Variants in EVC2 observed in about 807,000 individuals in gnomAD.
EVC2 encodes limbin.
EVC2 carries 148 observed loss-of-function variants against 149.3 expected under a neutral mutation model. That is an observed-to-expected ratio of 0.99 (90% confidence interval 0.87 to 1.14). The LOEUF (loss-of-function observed/expected upper bound fraction) is 1.14. Among genes scored for constraint, EVC2 ranks in the 50% most tolerant of loss-of-function variants. The probability of loss-of-function intolerance (pLI) is 0.00; values close to 1 mark genes in which losing one functional copy is unlikely to be tolerated. For synonymous variants in EVC2, 776 were observed against 649.9 expected (o/e 1.19, Z -2.95); for missense variants, 1,854 against 1,627.3 (o/e 1.14, Z -2.40).
At chr4:5,676,005 A>G (rs1193458806) in intron 7 of EVC2, among the ~76,000 whole-genome samples, 1 of 152,200 alleles carries the variant, frequency 6.6e-6, no homozygotes, top group South Asian at 2.1e-4. Flanking sequence ...GGGTACCATA[A>G]CAATTGGTTT....
chr4:5,708,464 C>A lies in EVC2; in HGVS notation c.50G>T (p.Gly17Val), dbSNP rs761964644. ...CAGCGCCAGGGCCACTGCCAGGAGA[C>A]CCCCGGCCAGCACCCACGTGGGGCG... ...RGRPTWVLAGGLLAVALALGG... is the reference protein window; with the variant it reads ...RGRPTWVLAGVLLAVALALGG... The change falls in exon 1 of 22, where the codon GGT (glycine) becomes GTT (valine). Residue 17 changes from glycine to valine, a missense_variant. Physicochemically the swap from Gly to Val is moderately radical, Grantham distance 109 (BLOSUM62 -3). Transcript: ENST00000344408. 6.0e-6 allele frequency: 9 copies of A among 1,504,576 alleles called. No individual in the cohort carries two copies. Among genetic ancestry groups the A allele is most frequent in the African/African-American group, 4.3e-5 (3 of 69,000 alleles). 93.2% of individuals were successfully genotyped at this position (1,504,576 alleles called of 1,614,324 possible).
intron 11 of EVC2, among the ~76,000 whole-genome samples, chr4:5,630,928 G>A (rs1257289472): frequency 6.6e-6 from 1 of 152,220 alleles, no homozygotes; most frequent in African/African-American, 2.4e-5. Context: ...ATCAGCACCA[G>A]TGACAGCGCT....
At chr4:5,548,403 A>T (rs1267658667) in intron 21 of EVC2, among the ~76,000 whole-genome samples, 1 of 150,064 alleles carries the variant, frequency 6.7e-6, no homozygotes, top group African/African-American at 2.5e-5. Context: ...TGCATCTAGG[A>T]TGACCAAGCA....
At position 5,590,513 on chromosome 4, in the gene EVC2, C is replaced by T. The variant is rs114906836; in HGVS notation, c.2830-5663G>A. On this transcript the variant is annotated intron_variant, in intron 16 of 21. Coordinates refer to ENST00000344408, the MANE Select transcript of EVC2 (RefSeq NM_147127.5). ...TCCCTGAGCGCTAAACAGAAACCAG[C>T]TCTTCCAAAAGACTCCACCCCAATA... is the stretch of plus-strand genomic sequence containing the variant. Among the ~76,000 whole-genome samples, 949 of 151,574 alleles carry T rather than the reference C, an allele frequency of 6.3e-3. 8 individuals carry two copies. The highest frequency in any genetic ancestry group is 0.022 in the African/African-American group (904 of 40,924).
At chr4:5,545,622 C>T (rs1046565424) in intron 21 of EVC2, among the ~76,000 whole-genome samples, 27 of 152,164 alleles carry the variant, frequency 1.8e-4, no homozygotes, top group South Asian at 4.1e-4. Flanking sequence ...TTGGCAGAGA[C>T]GAGTTACCTA....
In EVC2 at chr4:5,625,643, C is replaced by G; in HGVS notation, c.2046+106G>C. On this transcript the variant is annotated intron_variant, in intron 13 of 21. Coordinates refer to ENST00000344408, the MANE Select transcript of EVC2 (RefSeq NM_147127.5). This position sits in a 1 kb window ranked among gnomAD's most constrained non-coding sequence, Gnocchi z 4.0. ...ACATCATGGTGCCTGCCCAGCTGCC[C>G]TTCTGATCCTAGTTCACCAATGGCA... 6.8e-7 allele frequency: 1 copy of G among 1,473,200 alleles called. No individual in the cohort carries two copies. Among genetic ancestry groups the G allele is most frequent in the African/African-American group, 1.4e-5 (1 of 71,604 alleles). 91.3% of individuals were successfully genotyped at this position (1,473,200 alleles called of 1,614,324 possible).
In EVC2 at chr4:5,679,969, C is replaced by T. The variant is rs1282850011; in HGVS notation, c.870+1291G>A. On this transcript the variant is annotated intron_variant, in intron 7 of 21. Coordinates refer to ENST00000344408, the MANE Select transcript of EVC2 (RefSeq NM_147127.5). This position sits in a 1 kb window ranked among gnomAD's most constrained non-coding sequence, Gnocchi z 5.1. ...ATTTTTAAGGTATTTTTTTAAAACA[C>T]TTCTTAAACTTTTTGTTAAAAACTA... 6.6e-6 allele frequency among the ~76,000 whole-genome samples: 1 copy of T among 152,064 alleles called. No homozygotes were observed. The highest frequency in any genetic ancestry group is 1.5e-5 in the Non-Finnish European group (1 of 68,028).
At chr4:5,660,399 A>G (rs1208385973) in intron 9 of EVC2, among the ~76,000 whole-genome samples, 1 of 152,178 alleles carries the variant, frequency 6.6e-6, no homozygotes, top group Non-Finnish European at 1.5e-5. Context: ...GACCTAGCAG[A>G]GCTCTTCTCT....
chr4:5,590,893 C>T (rs1712736213), intron 16 of EVC2, among the ~76,000 whole-genome samples: 1 of 152,174 alleles, frequency 6.6e-6, no homozygotes, highest in South Asian at 2.1e-4. Context: ...GCAAACACAT[C>T]CTTCTTCACA....
Position 5,665,555 on chromosome 4 carries a change from C to T in EVC2, c.965G>A (p.Arg322His), listed in dbSNP as rs771018691. Residue 322 changes from arginine (R) to histidine (H), a missense_variant, in exon 8 of 22, where the codon CGC becomes CAC. By Grantham distance (29) the Arg-to-His change is conservative. Transcript: ENST00000344408. ...CATGTTTCCCTTCAGACACTGATAG[C>T]GAACCATGAGGAAGAGGGCAGCCCA... is the stretch of plus-strand genomic sequence containing the variant. ...LTWAALFLMV[R>H]YQCLKGNMLT... The T allele has an allele frequency of 1.2e-5, 19 of 1,614,006 alleles. No individual in the cohort carries two copies. The highest frequency in any genetic ancestry group is 3.3e-5 in the South Asian group (3 of 91,074).
At chr4:5,646,197 C>T (rs903592281) in intron 9 of EVC2, among the ~76,000 whole-genome samples, 4 of 152,166 alleles carry the variant, frequency 2.6e-5, no homozygotes, top group Non-Finnish European at 5.9e-5. Flanking sequence ...TCCCAAGGTG[C>T]TGGGATTACA....
chr4:5,587,320 T>A (rs1310151796), intron 16 of EVC2, among the ~76,000 whole-genome samples: 1 of 152,222 alleles, frequency 6.6e-6, no homozygotes, highest in Non-Finnish European at 1.5e-5. Flanking sequence ...GTTTCTATGA[T>A]TTTCCTTATT....
rs757086176 is a variant in EVC2, at chr4:5,665,649, C to T, written c.871G>A (p.Val291Ile). The change falls in exon 8 of 22, where the codon GTT (valine) becomes ATT (isoleucine). Residue 291 changes from valine (V) to isoleucine (I), a missense_variant and splice_region_variant. By Grantham distance (29) the Val-to-Ile change is conservative (BLOSUM62 3). Coordinates refer to ENST00000344408, the MANE Select transcript of EVC2 (RefSeq NM_147127.5). Reference protein sequence around the residue: ...FSITAEENVTVLPHHGLHAAG... With the variant: ...FSITAEENVTILPHHGLHAAG... ...GCGTGGAGGCCGTGGTGCGGCAGAACCTGTGGAGACAAGAGGAGAGCAGGA... is the reference window on the plus strand; with the variant it reads ...GCGTGGAGGCCGTGGTGCGGCAGAATCTGTGGAGACAAGAGGAGAGCAGGA... 6 of 1,614,082 alleles carry T rather than the reference C, an allele frequency of 3.7e-6. No individual in the cohort carries two copies. In the South Asian group the frequency reaches 5.5e-5, roughly 15 times the overall value.
chr4:5,586,556 T>G (rs1243108670), intron 16 of EVC2, among the ~76,000 whole-genome samples: 1 of 152,122 alleles, frequency 6.6e-6, no homozygotes, highest in East Asian at 1.9e-4. Context: ...TAGAACAGAC[T>G]CTTTAAGTCT....
rs919841097 is a variant in EVC2 at position 5,618,857 on chromosome 4, G to A, written c.2502-175C>T. 2.6e-5 allele frequency among the ~76,000 whole-genome samples: 4 copies of A among 152,228 alleles called. No homozygotes were observed. The highest frequency in any genetic ancestry group is 5.9e-5 in the Non-Finnish European group (4 of 68,048). Reference sequence around the variant, plus strand: ...ATTCCTTGAGCACCTAATGCATGTCGTGCTGCATAGGACATTGTATTGGAG... The same window carrying A: ...ATTCCTTGAGCACCTAATGCATGTCATGCTGCATAGGACATTGTATTGGAG... On this transcript the variant is annotated intron_variant, in intron 14 of 21. Transcript: ENST00000344408. This position sits in a 1 kb window ranked among gnomAD's most constrained non-coding sequence, Gnocchi z 4.4.
At chr4:5,566,766 G>A (rs1020510278) in intron 20 of EVC2, among the ~76,000 whole-genome samples, 10 of 151,946 alleles carry the variant, frequency 6.6e-5, no homozygotes, top group African/African-American at 2.4e-4. Context: ...TCTCCCCACT[G>A]GCCTCCCAAA....
At chr4:5,594,528 A>T in intron 16 of EVC2, among the ~76,000 whole-genome samples, 1 of 152,170 alleles carries the variant, frequency 6.6e-6, no homozygotes, top group Non-Finnish European at 1.5e-5. Flanking sequence ...TGTTAGAAGG[A>T]AAACTAACAA....
intron 7 of EVC2, among the ~76,000 whole-genome samples, chr4:5,676,449 C>T (rs1719999905): frequency 6.6e-6 from 1 of 152,332 alleles, no homozygotes; most frequent in East Asian, 1.9e-4. Context: ...ACCCTCCTGG[C>T]AAACTCATCC....
chr4:5,695,651 A>G (rs1017579430), intron 2 of EVC2, among the ~76,000 whole-genome samples: 11 of 152,242 alleles, frequency 7.2e-5, no homozygotes, highest in Non-Finnish European at 2.9e-5. Flanking sequence ...ACTGCACATG[A>G]AAGTGCTTAG....
Sources: allele counts gnomAD v4.1 joint callset (sites outside exome capture counted in the v4.1 genomes callset), GRCh38; gene constraint gnomAD v4.1.1; non-coding constraint Gnocchi (gnomAD v3.1); transcripts MANE v1.5; gene names NCBI Gene and HGNC (gene_info 2026-07-23, HGNC 2026-07-21).